Variants in RUFY4 observed in about 807,000 individuals in gnomAD.
RUFY4 encodes the protein RUN and FYVE domain containing 4.
Under a neutral mutation model 69.0 loss-of-function variants are expected in RUFY4, and 73 were observed. The ratio of observed to expected loss-of-function variants is 1.06; its 90% confidence interval spans 0.88 to 1.29. The LOEUF (loss-of-function observed/expected upper bound fraction) is 1.29. Ranked by LOEUF, RUFY4 falls within the 50% of genes most tolerant of loss-of-function variation. The pLI, the probability that RUFY4 is intolerant of heterozygous loss-of-function variation, is 0.00. For missense variants in RUFY4, 770 were observed against 705.6 expected, an observed-to-expected ratio of 1.09 and a Z score of -1.03; for synonymous variants, 287 against 271.8, an observed-to-expected ratio of 1.06 and a Z score of -0.55.
At chr2:218,067,794 C>A (rs533651095), upstream of RUFY4, among the ~76,000 whole-genome samples, 5 of 152,342 alleles carry the variant, frequency 3.3e-5, no homozygotes, top group South Asian at 1.0e-3. Flanking sequence ...CACCTCGCTC[C>A]ATCCCAGCCC....
upstream of RUFY4, among the ~76,000 whole-genome samples, chr2:218,070,046 G>A (rs554478591): frequency 4.6e-5 from 7 of 152,322 alleles, no homozygotes; most frequent in African/African-American, 1.7e-4. Context: ...CTGGGGCACA[G>A]GAAAGGATGA....
At chr2:218,053,169 T>C (rs930511253) in intron 2 of RUFY4, among the ~76,000 whole-genome samples, 1 of 152,224 alleles carries the variant, frequency 6.6e-6, no homozygotes, top group South Asian at 2.1e-4. Context: ...TTAACATCTT[T>C]GACAAACTTC....
intron 2 of RUFY4, among the ~76,000 whole-genome samples, chr2:218,053,741 G>A (rs182162309): frequency 6.6e-6 from 1 of 151,648 alleles, no homozygotes; most frequent in South Asian, 2.1e-4. Flanking sequence ...TTCGTGATCC[G>A]CCCGCCTCGG....
intron 2 of RUFY4, among the ~76,000 whole-genome samples, chr2:218,071,681 C>T (rs761355514): frequency 2.0e-5 from 3 of 152,128 alleles, no homozygotes; most frequent in Non-Finnish European, 2.9e-5. Context: ...TTTTTTTCTC[C>T]GTAGCAGTCA....
intron 8 of RUFY4, among the ~76,000 whole-genome samples, chr2:218,081,546 C>A (rs1466277644): frequency 2.0e-5 from 3 of 152,168 alleles, no homozygotes; most frequent in African/African-American, 7.2e-5. Flanking sequence ...CTGCTTTATT[C>A]CTGGCACCTA....
At position 218,075,083 on chromosome 2, in the gene RUFY4, C is replaced by T. The variant is rs1159243728; in HGVS notation, c.601-10C>T. ...TGAGAGGGATGACTGGTTTTGGGTC[C>T]TCTCCACAGATCCCAGCCGCATATG... On this transcript the variant is annotated splice_polypyrimidine_tract_variant and intron_variant, in intron 6 of 10. Transcript: ENST00000344321. 6.7e-7 allele frequency: 1 copy of T among 1,503,592 alleles called. No individual in the cohort carries two copies. Among genetic ancestry groups the T allele is most frequent in the South Asian group, 1.3e-5 (1 of 75,604 alleles). The allele number at this position is 1,503,592 out of a possible 1,614,324, so 93.1% of individuals were successfully genotyped here.
At chr2:218,047,496 A>G (rs1354723583) in intron 2 of RUFY4, among the ~76,000 whole-genome samples, 1 of 152,204 alleles carries the variant, frequency 6.6e-6, no homozygotes, top group African/African-American at 2.4e-5. Context: ...CTCTTAAGGA[A>G]AACACGTACA....
chr2:218,041,589 C>CA (rs112548192), intron 2 of RUFY4, among the ~76,000 whole-genome samples: 168 of 126,876 alleles, frequency 1.3e-3, no homozygotes, highest in Middle Eastern at 4.2e-3. Flanking sequence ...GAAGTACAGC[C>CA]AAAAAAAAAA....
Position 218,079,774 on chromosome 2 carries a change from G to A in RUFY4, c.1355+3241G>A, listed in dbSNP as rs140783416. Reference sequence around the variant, plus strand: ...CCTCAACACAGAGAATAGAAGTGCCGAGGGACCCATTCATTCCATGGACAT... The same window carrying A: ...CCTCAACACAGAGAATAGAAGTGCCAAGGGACCCATTCATTCCATGGACAT... On this transcript the variant is annotated intron_variant, in intron 8 of 10. Transcript: ENST00000344321. Among the ~76,000 whole-genome samples the A allele has an allele frequency of 5.1e-3, 778 of 152,264 alleles. 9 individuals carry two copies. Among genetic ancestry groups the A allele is most frequent in the African/African-American group, 0.018 (735 of 41,550 alleles).
chr2:218,043,817 A>G (rs1474755563), intron 2 of RUFY4, among the ~76,000 whole-genome samples: 1 of 152,232 alleles, frequency 6.6e-6, no homozygotes, highest in South Asian at 2.1e-4. Context: ...CCTGCCACCA[A>G]TCATGGCATC....
exon 7 of RUFY4, chr2:218,075,656 G>A: frequency 6.6e-7 from 1 of 1,504,708 alleles, no homozygotes. Flanking sequence ...ACTCTACCGT[G>A]GAGAATCCAC....
In RUFY4 at chr2:218,076,499, G is replaced by C. The variant is rs1421494173; in HGVS notation, c.1321G>C (p.Gly441Arg). ...GGAGCAGCTGCTGAGGGAGCAGGAG[G>C]GGGAGCTGCAGGCACTTCGGGAGCA... The change falls in exon 8 of 11, where the codon GGG becomes CGG. Residue 441 changes from glycine to arginine, a missense_variant. Transcript: ENST00000344321. 21 of 1,551,214 alleles carry C rather than the reference G, an allele frequency of 1.4e-5. No homozygotes were observed. The East Asian group carries it at 2.4e-4, about 18-fold the overall frequency.
At chr2:218,038,204 C>A (rs190757916) in intron 2 of RUFY4, among the ~76,000 whole-genome samples, 6 of 151,896 alleles carry the variant, frequency 4.0e-5, no homozygotes, top group African/African-American at 1.4e-4. Flanking sequence ...TCTCCTTGAA[C>A]ACATAACACC....
At chr2:218,050,367 T>C (rs1344123398) in intron 2 of RUFY4, among the ~76,000 whole-genome samples, 1 of 152,216 alleles carries the variant, frequency 6.6e-6, no homozygotes, top group East Asian at 1.9e-4. Context: ...GGAGCTGTGA[T>C]GCTCCTGGCT....
chr2:218,052,266 C>A (rs551864921), intron 2 of RUFY4, among the ~76,000 whole-genome samples: 1 of 152,296 alleles, frequency 6.6e-6, no homozygotes, highest in South Asian at 2.1e-4. Flanking sequence ...CCTAGGAGGA[C>A]AACGTGTCCT....
At position 218,045,808 on chromosome 2, in the gene RUFY4, ATTT is replaced by A. The variant is rs35070780; in HGVS notation, c.-1158+10426_-1158+10428del. ...ATACATATTTATGGGGTACATAGTG[ATTT>A]TTTTTTTTTTTGAGGCGGAGTCTCG... On this transcript the variant is annotated intron_variant and NMD_transcript_variant, in intron 2 of 13. Coordinates refer to the RUFY4 transcript ENST00000457754. 5.4e-3 allele frequency among the ~76,000 whole-genome samples: 793 copies of A among 146,574 alleles called. 11 individuals carry two copies. The highest frequency in any genetic ancestry group is 0.018 in the African/African-American group (714 of 39,726).
At position 218,089,263 on chromosome 2, in the gene RUFY4, G is replaced by A. The variant is rs766391824; in HGVS notation, c.1514G>A (p.Arg505His). 61 of 1,613,410 alleles carry A rather than the reference G, an allele frequency of 3.8e-5. No individual in the cohort carries two copies. The highest frequency in any genetic ancestry group is 1.1e-4 in the East Asian group (5 of 44,876). ...CATCCCCCCATCAGAGAGAAGGACC[G>A]CCTGTGGCAGAGGCTCCAGCATCTC... Residue 505 changes from arginine (R) to histidine (H), a missense_variant, in exon 10 of 11, where the codon CGC (arginine) becomes CAC (histidine). Coordinates refer to ENST00000344321, the Ensembl canonical transcript of RUFY4.
intron 3 of RUFY4, among the ~76,000 whole-genome samples, chr2:218,064,155 T>C (rs779558801): frequency 5.3e-5 from 8 of 151,214 alleles, no homozygotes; most frequent in Non-Finnish European, 8.8e-5. Flanking sequence ...TGCACTGGAG[T>C]TTTGCGGAAA....
intron 2 of RUFY4, among the ~76,000 whole-genome samples, chr2:218,055,830 A>G (rs1403276866): frequency 2.0e-5 from 3 of 152,248 alleles, no homozygotes; most frequent in Non-Finnish European, 4.4e-5. Flanking sequence ...TGGCAACTTC[A>G]TGCTTAGGCA....
Sources: allele counts gnomAD v4.1 joint callset (sites outside exome capture counted in the v4.1 genomes callset), GRCh38; gene constraint gnomAD v4.1.1; transcripts MANE v1.5; gene names NCBI Gene and HGNC (gene_info 2026-07-23, HGNC 2026-07-21).